Variants in SDK2 observed in about 807,000 individuals in gnomAD.
SDK2 encodes sidekick cell adhesion molecule 2, also known as protein sidekick-2.
In SDK2, 105 loss-of-function variants were observed where a neutral mutation model predicts 253.9. The ratio of observed to expected loss-of-function variants is 0.41; its 90% CI spans 0.35 to 0.49. The LOEUF is 0.49. SDK2 is among the 20% of genes least tolerant of loss of function. The pLI, the probability that SDK2 is intolerant of heterozygous loss-of-function variation, is 0.06. For missense variants in SDK2, 2,608 were observed against 3,003.0 expected, an observed-to-expected ratio of 0.87 and a Z score of 3.07; for synonymous variants, 1,249 against 1,234.9, an observed-to-expected ratio of 1.01 and a Z score of -0.24.
chr17:73,388,085 G>C, intron 29 of SDK2, 48 bp from the exon 30 acceptor site: 1 of 1,336,090 alleles, frequency 7.5e-7, no homozygotes, highest in Non-Finnish European at 1.0e-6. Flanking sequence ...CCAGGCCATG[G>C]TGGAGGGGGC....
intron 32 of SDK2, 40 bp from the exon 33 acceptor site, chr17:73,384,051 C>T (rs748296179): frequency 3.8e-6 from 6 of 1,598,518 alleles, no homozygotes; most frequent in East Asian, 2.3e-5. Flanking sequence ...GCACCTGGAC[C>T]ACCACCCACC....
chr17:73,643,379 C>T lies in SDK2; in HGVS notation c.64+646G>A, dbSNP rs1288605770. ...ATGGGTAGGAGGGGAGGCCTCAGAC[C>T]CTCCCTGTGCACCACCCCCCGGTGG... On this transcript the variant is annotated intron_variant, in intron 1 of 44. Coordinates refer to ENST00000392650, the MANE Select transcript of SDK2 (RefSeq NM_001144952.2). This position sits in a 1 kb window ranked among gnomAD's most constrained non-coding sequence, Gnocchi z 6.9. Among the ~76,000 whole-genome samples the T allele has an allele frequency of 6.6e-6, 1 of 152,108 alleles. No homozygotes were observed. Among genetic ancestry groups the T allele is most frequent in the Non-Finnish European group, 1.5e-5 (1 of 67,986 alleles).
intron 1 of SDK2, among the ~76,000 whole-genome samples, chr17:73,544,663 A>C (rs983501598): frequency 1.1e-4 from 17 of 152,234 alleles, no homozygotes; most frequent in African/African-American, 3.9e-4. Context: ...GATACCTAGC[A>C]GTCCCAGATT....
intron 24 of SDK2, among the ~76,000 whole-genome samples, chr17:73,397,676 C>T (rs1448122211): frequency 6.6e-6 from 1 of 152,182 alleles, no homozygotes; most frequent in Non-Finnish European, 1.5e-5. Context: ...CCAGACCCGC[C>T]GCTTGGGAGC....
intron 37 of SDK2, among the ~76,000 whole-genome samples, chr17:73,365,601 C>T (rs1383410957): frequency 2.6e-5 from 4 of 151,988 alleles, no homozygotes; most frequent in African/African-American, 9.7e-5. Flanking sequence ...GTATCAGAGT[C>T]CTAAGAACTG....
At position 73,570,752 on chromosome 17, in the gene SDK2, C is replaced by T. The variant is rs547227976; in HGVS notation, c.65-63155G>A. ...TCAAAGCCAGGTCAGTCTCTAACAC[C>T]GGAGCCCTTTGGAGGGGCCCTCTTC... On this transcript the variant is annotated intron_variant, in intron 1 of 44. Transcript: ENST00000392650. The surrounding 1 kb of genome is among the most constrained non-coding windows in gnomAD (Gnocchi z 4.2). Among the ~76,000 whole-genome samples the T allele has an allele frequency of 2.6e-5, 4 of 152,328 alleles. No homozygotes were observed. The highest frequency in any genetic ancestry group is 2.1e-4 in the South Asian group (1 of 4,826).
At chr17:73,622,292 T>C (rs1474642395) in intron 1 of SDK2, among the ~76,000 whole-genome samples, 1 of 152,174 alleles carries the variant, frequency 6.6e-6, no homozygotes, top group African/African-American at 2.4e-5. Context: ...CAGCAACACG[T>C]TGGAAAGGGG....
chr17:73,408,725 GGAGAGAGAAAGAGA>G (rs1225345591), intron 18 of SDK2, among the ~76,000 whole-genome samples: 1 of 151,968 alleles, frequency 6.6e-6, no homozygotes, highest in Non-Finnish European at 1.5e-5. Flanking sequence ...AAAGAGAAAG[GGAGAGAGAAAGAGA>G]GAGAGAGAAA....
intron 31 of SDK2, 110 bp from the exon 32 acceptor site, chr17:73,386,027 G>A (rs2270720): frequency 0.19 from 138,442 of 740,412 alleles, 14,576 homozygotes; most frequent in East Asian, 0.27. Flanking sequence ...GGTCCAGATC[G>A]CATCGCCCTC....
chr17:73,430,443 C>A, intron 12 of SDK2, 68 bp downstream of exon 12: 2 of 1,221,952 alleles, frequency 1.6e-6, no homozygotes, highest in Non-Finnish European at 2.4e-6. Flanking sequence ...TGGACACTCG[C>A]CCAGCTACAA....
chr17:73,394,547 A>C (rs541975217), intron 25 of SDK2, among the ~76,000 whole-genome samples: 1 of 152,208 alleles, frequency 6.6e-6, no homozygotes, highest in Admixed American at 6.5e-5. Flanking sequence ...GAGCCTCCTC[A>C]CAGGATTCTC....
rs1248323405 is a variant in SDK2, at chr17:73,541,963, T to A, written c.65-34366A>T. Among the ~76,000 whole-genome samples, 1 of 152,228 alleles carries A rather than the reference T, an allele frequency of 6.6e-6. No individual in the cohort carries two copies. Among genetic ancestry groups the A allele is most frequent in the South Asian group, 2.1e-4 (1 of 4,834 alleles). ...TCTCTGAGCCTGCCTCTTCTGCTGA[T>A]AAACAGTGTCAATGGCATCTCTTTT... On this transcript the variant is annotated intron_variant, in intron 1 of 44. Transcript: ENST00000392650. This position sits in a 1 kb window ranked among gnomAD's most constrained non-coding sequence, Gnocchi z 4.3.
chr17:73,412,036 G>A (rs756839710), intron 18 of SDK2, among the ~76,000 whole-genome samples: 203 of 3,010 alleles, frequency 0.067, 3 homozygotes, highest in African/African-American at 0.1. Flanking sequence ...GTATATATAC[G>A]TATATATATG....
chr17:73,462,707 A>T (rs1199661329), intron 3 of SDK2, among the ~76,000 whole-genome samples: 1 of 152,084 alleles, frequency 6.6e-6, no homozygotes. Context: ...ACGTAAGTTT[A>T]TATGGTGAGG....
chr17:73,409,466 T>TA (rs35846421), intron 18 of SDK2, among the ~76,000 whole-genome samples: 141,658 of 148,400 alleles, frequency 0.95, 67,698 homozygotes, highest in Non-Finnish European at 0.99. Flanking sequence ...GACTCTGTCT[T>TA]AAAAAAAAAA....
Position 73,591,955 on chromosome 17 carries a change from A to G in SDK2, c.64+52070T>C, listed in dbSNP as rs183184523. On this transcript the variant is annotated intron_variant, in intron 1 of 44. Coordinates refer to ENST00000392650, the MANE Select transcript of SDK2 (RefSeq NM_001144952.2). Reference sequence around the variant, plus strand: ...CGAGGAGAGATAAAAGGCTGCCAAGAGCACACCCAGCCTCTCTGGGGACGT... The same window carrying G: ...CGAGGAGAGATAAAAGGCTGCCAAGGGCACACCCAGCCTCTCTGGGGACGT... Among the ~76,000 whole-genome samples the G allele has an allele frequency of 4.2e-3, 639 of 152,242 alleles. 5 individuals are homozygous for G. The highest frequency in any genetic ancestry group is 0.014 in the African/African-American group (586 of 41,534).
At position 73,541,229 on chromosome 17, in the gene SDK2, G is replaced by A. The variant is rs962867777; in HGVS notation, c.65-33632C>T. Among the ~76,000 whole-genome samples, 1 of 152,192 alleles carries A rather than the reference G, an allele frequency of 6.6e-6. No individual in the cohort carries two copies. The highest frequency in any genetic ancestry group is 1.5e-5 in the Non-Finnish European group (1 of 68,030). On this transcript the variant is annotated intron_variant, in intron 1 of 44. Coordinates refer to ENST00000392650, the MANE Select transcript of SDK2 (RefSeq NM_001144952.2). This position sits in a 1 kb window ranked among gnomAD's most constrained non-coding sequence, Gnocchi z 4.3. ...GGGGCAGCAGTGAAGGGAGGTGCCC[G>A]GGGGGCTGCAGGGGATGGGCTGCAG...
Position 73,435,538 on chromosome 17 carries a change from G to A in SDK2, c.1107C>T (p.Gly369=), listed in dbSNP as rs2063360704. The A allele has an allele frequency of 6.3e-7, 1 of 1,597,500 alleles. No homozygotes were observed. The highest frequency in any genetic ancestry group is 8.5e-7 in the Non-Finnish European group (1 of 1,172,584). The change falls in exon 9 of 45, where the codon GGC becomes GGT. Residue 369 remains glycine, a synonymous_variant. Transcript: ENST00000392650. This position sits in a 1 kb window ranked among gnomAD's most constrained non-coding sequence, Gnocchi z 5.7. ...ACATGCCGGTATCATCGGGCACCAG[G>A]CCGCTGATCTGCAGGCCCCCGTCGT... The part of the protein sequence containing the change: ...QRNDGGLQIS[G]LVPDDTGMFQ...
At chr17:73,412,077 T>TATGTATATAC (rs1491395356) in intron 18 of SDK2, among the ~76,000 whole-genome samples, 33 of 48,328 alleles carry the variant, frequency 6.8e-4, no homozygotes, top group South Asian at 3.9e-3. Flanking sequence ...TACGTATATA[T>TATGTATATAC]GTATATGTAT....
Sources: allele counts gnomAD v4.1 joint callset (sites outside exome capture counted in the v4.1 genomes callset), GRCh38; gene constraint gnomAD v4.1.1; non-coding constraint Gnocchi (gnomAD v3.1); transcripts MANE v1.5; gene names NCBI Gene and HGNC (gene_info 2026-07-23, HGNC 2026-07-21).